ACYP2: variants seen among roughly 807,000 people sequenced by gnomAD.
The protein encoded by ACYP2 is acylphosphatase-2.
Under a neutral mutation model 11.2 loss-of-function variants are expected in ACYP2, and 12 were observed. The observed-to-expected ratio is 1.08, with a 90% CI of 0.69 to 1.74. The LOEUF is 1.74. ACYP2 is among the 40% of genes most tolerant of loss of function. The probability of loss-of-function intolerance (pLI) is 0.00; values close to 1 mark genes in which losing one functional copy is unlikely to be tolerated. For synonymous variants in ACYP2, 43 were observed against 32.2 expected, an observed-to-expected ratio of 1.33 and a Z score of -1.13; for missense variants, 134 against 101.9, an observed-to-expected ratio of 1.31 and a Z score of -1.35.
chr2:53,985,925 C>T (rs1672014389), intron 2 of ACYP2, among the ~76,000 whole-genome samples: 1 of 152,088 alleles, frequency 6.6e-6, no homozygotes, highest in Non-Finnish European at 1.5e-5. Flanking sequence ...TACTTGAGGT[C>T]AGGAATTTGA....
chr2:54,035,265 C>CTTTTTTTTT, intron 2 of ACYP2, among the ~76,000 whole-genome samples: 1 of 126,024 alleles, frequency 7.9e-6, no homozygotes, highest in East Asian at 2.3e-4. Context: ...TTTTCTTTTT[C>CTTTTTTTTT]TTTTTTTTTT....
chr2:54,096,910 A>G (rs1011810757), intron 4 of ACYP2, among the ~76,000 whole-genome samples: 1 of 152,124 alleles, frequency 6.6e-6, no homozygotes, highest in Non-Finnish European at 1.5e-5. Context: ...GGGTCTTGCT[A>G]TGTTGGCCAG....
chr2:53,975,459 G>A, intron 2 of ACYP2: 1 of 389,784 alleles, frequency 2.6e-6, no homozygotes, highest in Non-Finnish European at 4.5e-6. Flanking sequence ...GTAACCCAAA[G>A]TCTGGGGTGG....
At chr2:54,149,290 T>G (rs1245554626) in intron 6 of ACYP2, among the ~76,000 whole-genome samples, 2 of 152,236 alleles carry the variant, frequency 1.3e-5, no homozygotes, top group Non-Finnish European at 2.9e-5. Context: ...CTGGCTGTGA[T>G]TATAGCAGCC....
At chr2:53,993,471 G>A (rs1672404467) in intron 2 of ACYP2, among the ~76,000 whole-genome samples, 1 of 152,072 alleles carries the variant, frequency 6.6e-6, no homozygotes, top group African/African-American at 2.4e-5. Context: ...GCTCTGGTGG[G>A]CAGATCACCT....
At chr2:54,185,406 T>G (rs1683936259) in intron 6 of ACYP2, among the ~76,000 whole-genome samples, 1 of 152,122 alleles carries the variant, frequency 6.6e-6, no homozygotes, top group Admixed American at 6.6e-5. Flanking sequence ...AAAATACATG[T>G]GTTATTCAGT....
chr2:54,218,619 A>C (rs768856540), intron 6 of ACYP2, among the ~76,000 whole-genome samples: 5 of 152,162 alleles, frequency 3.3e-5, no homozygotes, highest in Non-Finnish European at 7.4e-5. Flanking sequence ...TAACATAACC[A>C]AACAGGAAGG....
chr2:54,080,915 C>T (rs957689701), intron 4 of ACYP2, among the ~76,000 whole-genome samples: 1 of 152,176 alleles, frequency 6.6e-6, no homozygotes, highest in African/African-American at 2.4e-5. Context: ...GGTTAGCCAC[C>T]ATGCCTGGCT....
At chr2:54,034,364 C>G (rs1384164741) in intron 2 of ACYP2, among the ~76,000 whole-genome samples, 1 of 152,028 alleles carries the variant, frequency 6.6e-6, no homozygotes, top group Non-Finnish European at 1.5e-5. Context: ...ACCTCTACCC[C>G]CCAAAATAAG....
chr2:54,292,994 C>A (rs1219190830), intron 6 of ACYP2, among the ~76,000 whole-genome samples: 1 of 152,118 alleles, frequency 6.6e-6, no homozygotes, highest in Non-Finnish European at 1.5e-5. Flanking sequence ...GCTACTGCAC[C>A]CTGACTATAC....
At chr2:54,092,225 A>T (rs969057925) in intron 4 of ACYP2, among the ~76,000 whole-genome samples, 2 of 152,210 alleles carry the variant, frequency 1.3e-5, no homozygotes, top group Admixed American at 6.5e-5. Context: ...GAGCTGTCTT[A>T]TAGGCACTTT....
Position 54,079,684 on chromosome 2 carries a change from C to T in ACYP2, c.277+22324C>T, listed in dbSNP as rs1572706013. Among the ~76,000 whole-genome samples, 5 of 152,254 alleles carry T rather than the reference C, an allele frequency of 3.3e-5. No individual in the cohort carries two copies. In the South Asian group the frequency reaches 8.3e-4, roughly 25 times the overall value. Reference sequence around the variant, plus strand: ...GATTCCCATAAAACCAACGTTGAAACCTGACCAGGGACAGATCCAGATTTA... The same window carrying T: ...GATTCCCATAAAACCAACGTTGAAATCTGACCAGGGACAGATCCAGATTTA... On this transcript the variant is annotated intron_variant, in intron 4 of 6. Coordinates refer to ENST00000607452, the MANE Select transcript of ACYP2 (RefSeq NM_001320586.2).
intron 6 of ACYP2, among the ~76,000 whole-genome samples, chr2:54,288,108 G>C (rs1689155255): frequency 6.6e-6 from 1 of 151,844 alleles, no homozygotes; most frequent in African/African-American, 2.4e-5. Context: ...CCTCTATCCA[G>C]GGAAAATATC....
At chr2:54,276,499 G>A (rs1046379943) in intron 6 of ACYP2, among the ~76,000 whole-genome samples, 12 of 151,868 alleles carry the variant, frequency 7.9e-5, no homozygotes, top group Non-Finnish European at 1.3e-4. Context: ...GTTTAACTCT[G>A]GATGTCATTA....
At chr2:54,180,652 TCAAA>T (rs1683665609) in intron 6 of ACYP2, among the ~76,000 whole-genome samples, 2 of 152,142 alleles carry the variant, frequency 1.3e-5, no homozygotes, top group Admixed American at 1.3e-4. Context: ...CCTCCTGGGC[TCAAA>T]CAATCCTCCC....
chr2:54,094,229 A>ATT (rs540021527), intron 4 of ACYP2, among the ~76,000 whole-genome samples: 36 of 142,186 alleles, frequency 2.5e-4, no homozygotes, highest in African/African-American at 4.9e-4. Flanking sequence ...GAGAAAAAAA[A>ATT]TTTTTTTTTT....
At position 53,975,484 on chromosome 2, in the gene ACYP2, G is replaced by C. The variant is rs575622204; in HGVS notation, c.62+1674G>C. 1.0e-5 allele frequency: 4 copies of C among 384,096 alleles called. No homozygotes were observed. The South Asian group carries it at 5.8e-4, about 56-fold the overall frequency. The allele number at this position is 384,096 out of a possible 1,614,324, so 23.8% of individuals were successfully genotyped here. A position where few individuals can be genotyped will look rare whatever the true frequency, so the allele number is the denominator to read the frequency against. On this transcript the variant is annotated intron_variant, in intron 2 of 6. Transcript: ENST00000607452. ...GTCTGGGGTGGATTTTCTCTTCTCA[G>C]TCCAACTTGTTATCTCTTGAAGGTC...
rs58577381 is a variant in ACYP2, at chr2:53,982,756, C to T, written c.62+8946C>T. The stretch of plus-strand genomic sequence containing the variant: ...CTGTTGTCCCAGTTTGGCACTGCTT[C>T]GACTCAAATGTTAAGCCTGGCTGTT... On this transcript the variant is annotated intron_variant, in intron 2 of 6. Coordinates refer to ENST00000607452, the MANE Select transcript of ACYP2 (RefSeq NM_001320586.2). Among the ~76,000 whole-genome samples, 328 of 151,836 alleles carry T rather than the reference C, an allele frequency of 2.2e-3. 2 individuals carry two copies. Among genetic ancestry groups the T allele is most frequent in the East Asian group, 7.0e-3 (36 of 5,162 alleles).
chr2:54,097,886 C>CCCCT (rs1553370661), intron 4 of ACYP2, among the ~76,000 whole-genome samples: 4 of 132,284 alleles, frequency 3.0e-5, no homozygotes, highest in African/African-American at 1.2e-4. Flanking sequence ...CTCTCTCTCT[C>CCCCT]CCCTCCCTCC....
Sources: allele counts gnomAD v4.1 joint callset (sites outside exome capture counted in the v4.1 genomes callset), GRCh38; gene constraint gnomAD v4.1.1; transcripts MANE v1.5; gene names NCBI Gene and HGNC (gene_info 2026-07-23, HGNC 2026-07-21).